Variants in KCNH5 observed in about 807,000 individuals in gnomAD.
The protein encoded by KCNH5 is voltage-gated delayed rectifier potassium channel KCNH5.
KCNH5 carries 46 observed loss-of-function variants against 96.1 expected under a neutral mutation model. That is an observed-to-expected ratio of 0.48 (90% CI 0.38 to 0.61). The LOEUF (loss-of-function observed/expected upper bound fraction) is 0.61, where lower values mean the gene tolerates loss of function less well. Among genes scored for constraint, KCNH5 ranks in the 20% least tolerant of loss-of-function variants. The probability of loss-of-function intolerance (pLI) is 0.00; values close to 1 mark genes in which losing one functional copy is unlikely to be tolerated. For missense variants in KCNH5, 907 were observed against 1,225.8 expected, an observed-to-expected ratio of 0.74 and a Z score of 3.88; for synonymous variants, 439 against 449.8, an observed-to-expected ratio of 0.98 and a Z score of 0.30.
At chr14:62,808,081 G>A (rs1886804475) in intron 8 of KCNH5, among the ~76,000 whole-genome samples, 1 of 152,060 alleles carries the variant, frequency 6.6e-6, no homozygotes, top group African/African-American at 2.4e-5. Context: ...TTACCAACCA[G>A]GGTTTTCACC....
chr14:62,820,010 T>C (rs1416214063), intron 8 of KCNH5, among the ~76,000 whole-genome samples: 1 of 152,176 alleles, frequency 6.6e-6, no homozygotes, highest in Non-Finnish European at 1.5e-5. Flanking sequence ...GTCTACTATA[T>C]GGGGGACATG....
At chr14:62,825,364 T>C (rs746490490) in intron 8 of KCNH5, among the ~76,000 whole-genome samples, 1 of 152,170 alleles carries the variant, frequency 6.6e-6, no homozygotes, top group Non-Finnish European at 1.5e-5. Context: ...TGGTTTTGAT[T>C]TGCATTTCTC....
chr14:62,716,286 T>G (rs1326843130), intron 10 of KCNH5, among the ~76,000 whole-genome samples: 1 of 152,228 alleles, frequency 6.6e-6, no homozygotes, highest in Non-Finnish European at 1.5e-5. Flanking sequence ...AGCCCATGAA[T>G]TGCTCTCCTT....
At chr14:62,976,122 C>A (rs1051256824) in intron 6 of KCNH5, among the ~76,000 whole-genome samples, 2 of 150,474 alleles carry the variant, frequency 1.3e-5, no homozygotes, top group African/African-American at 4.9e-5. Context: ...GGAAATTGGC[C>A]AGGTGCAGTG....
intron 3 of KCNH5, among the ~76,000 whole-genome samples, chr14:63,002,146 T>A (rs900661292): frequency 2.6e-4 from 40 of 152,252 alleles, no homozygotes; most frequent in Non-Finnish European, 5.0e-4. Context: ...CCCAGGCATC[T>A]TTTTGAGCCA....
chr14:62,896,186 G>A (rs1888808787), intron 7 of KCNH5, among the ~76,000 whole-genome samples: 2 of 152,182 alleles, frequency 1.3e-5, no homozygotes, highest in South Asian at 4.1e-4. Flanking sequence ...ATAGTCATCA[G>A]TAGCTCCAAG....
intron 10 of KCNH5, among the ~76,000 whole-genome samples, chr14:62,714,857 G>A (rs1387755): frequency 0.31 from 46,587 of 151,964 alleles, 7,834 homozygotes; most frequent in South Asian, 0.5. Flanking sequence ...TTGTCCAATG[G>A]CAAATCAGAT....
intron 6 of KCNH5, among the ~76,000 whole-genome samples, chr14:62,978,921 A>T (rs1050710077): frequency 2.0e-5 from 3 of 152,208 alleles, no homozygotes; most frequent in African/African-American, 7.2e-5. Flanking sequence ...TGGTGAGAAC[A>T]CTTTACACCC....
intron 9 of KCNH5, among the ~76,000 whole-genome samples, chr14:62,801,529 C>T (rs1269983734): frequency 1.8e-5 from 2 of 113,118 alleles, no homozygotes; most frequent in Non-Finnish European, 3.4e-5. Context: ...TTTTGCCAAG[C>T]GTATATCCTA....
At position 62,879,518 on chromosome 14, in the gene KCNH5, C is replaced by T. The variant is rs184867702; in HGVS notation, c.1370-29666G>A. Reference sequence around the variant, plus strand: ...TAACCCGCAAATTATTATTATTGAACATTTAGGTTATTTCCAGTGTAAAGG... The same window carrying T: ...TAACCCGCAAATTATTATTATTGAATATTTAGGTTATTTCCAGTGTAAAGG... On this transcript the variant is annotated intron_variant, in intron 7 of 10. Transcript: ENST00000322893. Among the ~76,000 whole-genome samples, 15 of 152,098 alleles carry T rather than the reference C, an allele frequency of 9.9e-5. No individual in the cohort carries two copies. The East Asian group carries it at 2.9e-3, about 29-fold the overall frequency.
rs1887158741 is a variant in KCNH5, at chr14:62,823,629, TCATTATTATAAA to T, written c.1570-21060_1570-21049del. Reference sequence around the variant, plus strand: ...AAAGGCCAGCAGAAATTCCTATTGGTCATTATTATAAACACTTCAGATTATTCTTTCTCCATC... The same window carrying T: ...AAAGGCCAGCAGAAATTCCTATTGGTCACTTCAGATTATTCTTTCTCCATC... On this transcript the variant is annotated intron_variant, in intron 8 of 10. Transcript: ENST00000322893. Among the ~76,000 whole-genome samples, 3 of 152,074 alleles carry T rather than the reference TCATTATTATAAA, an allele frequency of 2.0e-5. No homozygotes were observed. The South Asian group carries it at 6.2e-4, about 31-fold the overall frequency.
intron 7 of KCNH5, among the ~76,000 whole-genome samples, chr14:62,918,754 A>G (rs2140106580): frequency 6.6e-6 from 1 of 152,268 alleles, no homozygotes; most frequent in African/African-American, 2.4e-5. Flanking sequence ...GGACACACTC[A>G]AAATATGTCA....
At chr14:62,822,934 T>C (rs984954045) in intron 8 of KCNH5, among the ~76,000 whole-genome samples, 2 of 152,162 alleles carry the variant, frequency 1.3e-5, no homozygotes, top group African/African-American at 4.8e-5. Flanking sequence ...TAAAGTCCTC[T>C]TTCTCTTTCT....
intron 10 of KCNH5, among the ~76,000 whole-genome samples, chr14:62,708,869 C>T (rs1357553013): frequency 6.6e-6 from 1 of 151,872 alleles, no homozygotes; most frequent in Non-Finnish European, 1.5e-5. Context: ...CATATTTATC[C>T]CTTAAATTTC....
At position 62,802,446 on chromosome 14, in the gene KCNH5, T is replaced by C. The variant is rs751432846; in HGVS notation, c.1705A>G (p.Ile569Val). Residue 569 changes from isoleucine (I) to valine (V), a missense_variant, in exon 9 of 11, where the codon ATT becomes GTT. By Grantham distance (29) the Ile-to-Val change is conservative. Coordinates refer to ENST00000322893, the MANE Select transcript of KCNH5 (RefSeq NM_139318.5). Reference protein sequence around the residue: ...LRALAVEFQTIHCAPGDLIYH... With the variant: ...LRALAVEFQTVHCAPGDLIYH... ...ATGAGGTCCCCGGGAGCACAGTGAA[T>C]GGTTTGGAACTCTACCGCCAAGGCG... 6.2e-7 allele frequency: 1 copy of C among 1,614,144 alleles called. No individual in the cohort carries two copies. The highest frequency in any genetic ancestry group is 1.7e-5 in the Admixed American group (1 of 60,020).
intron 7 of KCNH5, among the ~76,000 whole-genome samples, chr14:62,947,293 T>C (rs371453274): frequency 6.7e-4 from 102 of 152,322 alleles, no homozygotes; most frequent in African/African-American, 2.2e-3. Context: ...TGTTGTCTTC[T>C]GAATTTATAA....
intron 8 of KCNH5, among the ~76,000 whole-genome samples, chr14:62,844,233 T>TA (rs1887646953): frequency 6.6e-6 from 1 of 152,090 alleles, no homozygotes; most frequent in Non-Finnish European, 1.5e-5. Context: ...AGCTACATGT[T>TA]AGAGAAAAAA....
At chr14:62,779,692 G>T (rs1238774331) in intron 10 of KCNH5, 36 bp downstream of exon 10, 18 of 1,542,892 alleles carry the variant, frequency 1.2e-5, no homozygotes, top group Non-Finnish European at 1.5e-5. Context: ...TAATACTCTG[G>T]ACACTAATAA....
At chr14:62,734,265 A>G (rs1455575413) in intron 10 of KCNH5, among the ~76,000 whole-genome samples, 1 of 151,992 alleles carries the variant, frequency 6.6e-6, no homozygotes, top group African/African-American at 2.4e-5. Context: ...TGCCTATTCT[A>G]TCCACTGCTT....
Sources: gnomAD v4.1 joint callset for allele counts (sites outside exome capture counted in the v4.1 genomes callset) on GRCh38, gnomAD v4.1.1 for gene constraint, MANE v1.5 for transcripts, NCBI Gene and HGNC (gene_info 2026-07-23, HGNC 2026-07-21) for gene names.